TATDN3: variants seen among roughly 807,000 people sequenced by gnomAD.
The protein encoded by TATDN3 is TatD DNase domain containing 3, also known as deoxyribonuclease TATDN3.
Under a neutral mutation model 40.1 loss-of-function variants are expected in TATDN3, and 29 were observed. The observed-to-expected ratio is 0.72, with a 90% CI of 0.54 to 0.99. TATDN3 has a LOEUF of 0.99. TATDN3 is among the 50% of genes least tolerant of loss of function. The probability of loss-of-function intolerance (pLI) is 0.00; values close to 1 mark genes in which losing one functional copy is unlikely to be tolerated. For missense variants in TATDN3, 309 were observed against 321.9 expected (o/e 0.96, Z 0.31); for synonymous variants, 105 against 117.0 (o/e 0.90, Z 0.66).
intron 7 of TATDN3, 97 bp downstream of exon 7, chr1:212,804,748 GA>G: frequency 9.2e-7 from 1 of 1,086,662 alleles, no homozygotes; most frequent in Non-Finnish European, 1.4e-6. Flanking sequence ...CTGATTTCTT[GA>G]AGGGCAGGGG....
intron 8 of TATDN3, among the ~76,000 whole-genome samples, chr1:212,810,072 C>T (rs1217828043): frequency 6.6e-6 from 1 of 151,488 alleles, no homozygotes; most frequent in Non-Finnish European, 1.5e-5. Flanking sequence ...GCATAAGAAC[C>T]TTAGATTTGG....
Position 212,815,291 on chromosome 1 carries a change from T to A in TATDN3, c.*135T>A. ...AGAAGATTGTAATTGTAGAGAAATATTTCTCTTAGAAATAAAACTGGGCTT... is the reference window on the plus strand; with the variant it reads ...AGAAGATTGTAATTGTAGAGAAATAATTCTCTTAGAAATAAAACTGGGCTT... On this transcript the variant is annotated 3_prime_UTR_variant, in exon 10 of 10. Transcript: ENST00000366974. The A allele has an allele frequency of 9.4e-7, 1 of 1,067,540 alleles. No individual in the cohort carries two copies. The highest frequency in any genetic ancestry group is 2.2e-5 in the South Asian group (1 of 44,530). The allele number at this position is 1,067,540 out of a possible 1,614,324, so 66.1% of individuals were successfully genotyped here.
intron 8 of TATDN3, among the ~76,000 whole-genome samples, chr1:212,811,498 A>G (rs1662873621): frequency 6.6e-6 from 1 of 151,868 alleles, no homozygotes; most frequent in South Asian, 2.1e-4. Context: ...TCCTGGTCTC[A>G]AGTGACCCAC....
chr1:212,794,070 G>A (rs1661553465), intron 1 of TATDN3, among the ~76,000 whole-genome samples: 1 of 151,116 alleles, frequency 6.6e-6, no homozygotes, highest in African/African-American at 2.4e-5. Flanking sequence ...CATAAGGTTA[G>A]GAGATCGAGA....
At chr1:212,806,749 T>TCC (rs1318582932) in intron 7 of TATDN3, among the ~76,000 whole-genome samples, 406 of 40,158 alleles carry the variant, frequency 0.01, 41 homozygotes, top group South Asian at 0.017. Context: ...TCTCTCTCCA[T>TCC]ATATATATAT....
chr1:212,810,428 C>T (rs1050474476), intron 8 of TATDN3, among the ~76,000 whole-genome samples: 5 of 142,298 alleles, frequency 3.5e-5, no homozygotes, highest in East Asian at 2.2e-4. Context: ...AGGAGAATGG[C>T]GTGAACCCGG....
rs761755137 is a variant in TATDN3, at chr1:212,815,203, A to G, written c.*47A>G. On this transcript the variant is annotated 3_prime_UTR_variant, in exon 10 of 10. Coordinates refer to ENST00000366974, the MANE Select transcript of TATDN3 (RefSeq NM_001042552.3). ...AATCGAATCAACTGCAGGGGGCAGC[A>G]TTTGAAAAATAGAAATGTTCTGATG... 9.0e-6 allele frequency: 14 copies of G among 1,562,134 alleles called. No individual in the cohort carries two copies. The East Asian group carries it at 2.9e-4, about 33-fold the overall frequency.
intron 1 of TATDN3, among the ~76,000 whole-genome samples, chr1:212,793,741 G>A (rs1303064726): frequency 6.6e-6 from 1 of 152,176 alleles, no homozygotes; most frequent in African/African-American, 2.4e-5. Flanking sequence ...CAAGGGAAAG[G>A]GAGGAGTCAA....
chr1:212,814,873 T>G, intron 9 of TATDN3, 140 bp from the exon 10 acceptor site: 1 of 880,290 alleles, frequency 1.1e-6, no homozygotes. Context: ...CTCCCAGCCC[T>G]CATCCCCACC....
chr1:212,799,779 T>C (rs930097241), intron 4 of TATDN3, among the ~76,000 whole-genome samples: 3 of 152,290 alleles, frequency 2.0e-5, no homozygotes, highest in South Asian at 2.1e-4. Flanking sequence ...CCTCAAGTGA[T>C]CCACCTGCCT....
intron 1 of TATDN3, 78 bp from the exon 2 acceptor site, chr1:212,795,017 C>T: frequency 5.0e-6 from 6 of 1,190,856 alleles, no homozygotes; most frequent in East Asian, 2.3e-5. Flanking sequence ...TGTGATGCCA[C>T]AACTACATTG....
At chr1:212,812,122 C>A in intron 8 of TATDN3, 126 bp from the exon 9 acceptor site, 1 of 589,370 alleles carries the variant, frequency 1.7e-6, no homozygotes, top group Non-Finnish European at 2.9e-6. Context: ...CGTGAGCCAC[C>A]GCGCCCAGCC....
chr1:212,792,073 C>A, intron 1 of TATDN3, 86 bp downstream of exon 1: 1 of 1,357,386 alleles, frequency 7.4e-7, no homozygotes, highest in Non-Finnish European at 1.0e-6. Context: ...TCCCTTGGGA[C>A]GAAACCCCAT....
In TATDN3 at chr1:212,791,980, T is replaced by C. The variant is rs533667077; in HGVS notation, c.59T>C (p.Phe20Ser). The C allele has an allele frequency of 2.9e-5, 47 of 1,614,030 alleles. No individual in the cohort carries two copies. The South Asian group carries it at 4.8e-4, about 17-fold the overall frequency. The change falls in exon 1 of 10, where the codon TTT (phenylalanine) becomes TCT (serine). Residue 20 changes from phenylalanine (F) to serine (S), a missense_variant. By Grantham distance (155) the Phe-to-Ser change is radical. Transcript: ENST00000366974. ...DCHCHLSAPDFDRDLDDVLEK... is the reference protein window; with the variant it reads ...DCHCHLSAPDSDRDLDDVLEK... ...CACTGCCACCTCTCCGCCCCGGACT[T>C]TGACCGCGTATGTGAGGGCGATACG...
At chr1:212,804,944 C>G (rs1662369914) in intron 7 of TATDN3, among the ~76,000 whole-genome samples, 1 of 152,088 alleles carries the variant, frequency 6.6e-6, no homozygotes, top group Admixed American at 6.6e-5. Flanking sequence ...ACAAAATTAG[C>G]AGCTCCAGTT....
At chr1:212,812,682 A>T (rs1445062890) in intron 9 of TATDN3, among the ~76,000 whole-genome samples, 3 of 152,222 alleles carry the variant, frequency 2.0e-5, no homozygotes, top group Non-Finnish European at 4.4e-5. Context: ...CATTTATAAA[A>T]TATGGGTAAA....
At chr1:212,809,221 G>A (rs1662716503) in intron 8 of TATDN3, among the ~76,000 whole-genome samples, 1 of 152,172 alleles carries the variant, frequency 6.6e-6, no homozygotes, top group Non-Finnish European at 1.5e-5. Context: ...TGAGGGGAAG[G>A]ATAATAGGGA....
At chr1:212,801,014 A>G (rs4951464) in intron 4 of TATDN3, among the ~76,000 whole-genome samples, 92,111 of 151,082 alleles carry the variant, frequency 0.61, 28,474 homozygotes, top group Non-Finnish European at 0.66. Context: ...AGACCAGCCT[A>G]GGCAACATAC....
chr1:212,809,916 C>T (rs1313696480), intron 8 of TATDN3, among the ~76,000 whole-genome samples: 4 of 151,262 alleles, frequency 2.6e-5, no homozygotes, highest in African/African-American at 9.7e-5. Context: ...CCCAGCTACT[C>T]AGGAGGCTGA....
Sources: gnomAD v4.1 joint callset for allele counts (sites outside exome capture counted in the v4.1 genomes callset) on GRCh38, gnomAD v4.1.1 for gene constraint, MANE v1.5 for transcripts, NCBI Gene and HGNC (gene_info 2026-07-23, HGNC 2026-07-21) for gene names.